The following RAB26 variants were observed in gnomAD, a reference collection of about 807,000 sequenced individuals.
The protein encoded by RAB26 is ras-related protein Rab-26.
RAB26 carries 39 observed loss-of-function variants against 33.1 expected under a neutral mutation model. The observed-to-expected ratio is 1.18, with a 90% CI of 0.91 to 1.54. The LOEUF (loss-of-function observed/expected upper bound fraction) is 1.54, where lower values mean the gene tolerates loss of function less well. Ranked by LOEUF, RAB26 falls within the 40% of genes most tolerant of loss-of-function variation. RAB26 has a pLI of 0.00. For synonymous variants in RAB26, 192 were observed against 151.9 expected (o/e 1.26, Z -1.94); for missense variants, 468 against 362.9 (o/e 1.29, Z -2.35).
intron 2 of RAB26, among the ~76,000 whole-genome samples, chr16:2,150,331 C>T (rs952098578): frequency 9.2e-5 from 14 of 152,208 alleles, no homozygotes; most frequent in Non-Finnish European, 1.6e-4. Flanking sequence ...GGGCCACGTC[C>T]ACTTGGGGCC....
rs1596655738 is a variant in RAB26 at position 2,148,977 on chromosome 16, A to G, written c.194A>G (p.Lys65Arg). 1 of 1,273,800 alleles carries G rather than the reference A, an allele frequency of 7.9e-7. No individual in the cohort carries two copies. Among genetic ancestry groups the G allele is most frequent in the African/African-American group, 1.5e-5 (1 of 64,924 alleles). 78.9% of individuals were successfully genotyped at this position (1,273,800 alleles called of 1,614,324 possible). The part of the protein sequence containing the change: ...GGVDFYDVAF[K>R]VMLVGDSGVG... ...GTCGACTTCTACGACGTCGCCTTCAAGGTGAGCCAGGCACCCGCCCCCCAG... is the reference window on the plus strand; with the variant it reads ...GTCGACTTCTACGACGTCGCCTTCAGGGTGAGCCAGGCACCCGCCCCCCAG... The change falls in exon 1 of 9, where the codon AAG becomes AGG. Residue 65 changes from lysine to arginine, a missense_variant and splice_region_variant. By Grantham distance (26) the Lys-to-Arg change is conservative. Transcript: ENST00000210187.
chr16:2,153,098 A>T (rs2093011544), intron 7 of RAB26, 48 bp from the exon 8 acceptor site: 1 of 1,613,294 alleles, frequency 6.2e-7, no homozygotes, highest in South Asian at 1.1e-5. Flanking sequence ...CTGCGAGCCT[A>T]GGCTGTCCCC....
At position 2,153,132 on chromosome 16, in the gene RAB26, G is replaced by T. The variant is rs758096763; in HGVS notation, c.592-14G>T. On this transcript the variant is annotated splice_polypyrimidine_tract_variant and intron_variant, in intron 7 of 8. Transcript: ENST00000210187. ...CCGCCAGGCCACCACCTGGCTGGCA[G>T]CAGCTGTTTACAGGAGTATGGACTG... 6.2e-7 allele frequency: 1 copy of T among 1,613,728 alleles called. No individual in the cohort carries two copies. The highest frequency in any genetic ancestry group is 1.1e-5 in the South Asian group (1 of 91,090).
intron 2 of RAB26, chr16:2,151,010 C>G (rs901980428): frequency 3.0e-6 from 1 of 329,826 alleles, no homozygotes; most frequent in African/African-American, 2.2e-5. Flanking sequence ...TGGGAGGGCC[C>G]GGCTGGGGAC....
chr16:2,148,654 C>CCGCCGT lies in RAB26; in HGVS notation c.-125_-124insTCGCCG. The CCGCCGT allele has an allele frequency of 2.7e-6, 2 of 737,396 alleles. No individual in the cohort carries two copies. Among genetic ancestry groups the CCGCCGT allele is most frequent in the Non-Finnish European group, 3.4e-6 (2 of 588,596 alleles). The allele number at this position is 737,396 out of a possible 1,614,324, so 45.7% of individuals were successfully genotyped here. ...GAGCCGGGCGCCCGGGATGATGCCG[C>CCGCCGT]CGCCGCCGCCGCCGCCGCCGCCGCC... On this transcript the variant is annotated 5_prime_UTR_variant, in exon 1 of 9. Coordinates refer to ENST00000210187, the MANE Select transcript of RAB26 (RefSeq NM_014353.5).
chr16:2,151,277 C>T, intron 2 of RAB26: 1 of 577,148 alleles, frequency 1.7e-6, no homozygotes, highest in South Asian at 1.7e-5. Context: ...TCGTTAGTTA[C>T]TGCACCCATT....
At chr16:2,149,084 G>A in intron 1 of RAB26, 106 bp downstream of exon 1, 1 of 1,151,486 alleles carries the variant, frequency 8.7e-7, no homozygotes, top group Non-Finnish European at 1.1e-6. Flanking sequence ...CCCAGGGCGC[G>A]GAGCCGACGC....
At chr16:2,148,257 C>T (rs1425389197), upstream of RAB26, 4 of 152,352 alleles carry the variant, frequency 2.6e-5, no homozygotes, top group Admixed American at 6.5e-5. Flanking sequence ...GAGACAGAAG[C>T]CCGCGGTGCC....
Position 2,153,048 on chromosome 16 carries a change from G to A in RAB26, c.591+3G>A, listed in dbSNP as rs767601696. On this transcript the variant is annotated splice_donor_region_variant and intron_variant, in intron 7 of 8. Coordinates refer to ENST00000210187, the MANE Select transcript of RAB26 (RefSeq NM_014353.5). Reference sequence around the variant, plus strand: ...AGGACGGGGAGAAGCTGGCCAAGGTGAGTCAGGGCAGGGGGGTGGTGAGGG... The same window carrying A: ...AGGACGGGGAGAAGCTGGCCAAGGTAAGTCAGGGCAGGGGGGTGGTGAGGG... 8 of 1,607,890 alleles carry A rather than the reference G, an allele frequency of 5.0e-6. No individual in the cohort carries two copies. The highest frequency in any genetic ancestry group is 1.7e-4 in the Middle Eastern group (1 of 6,042).
In RAB26 at chr16:2,152,858, C is replaced by G. The variant is rs746887223; in HGVS notation, c.507C>G (p.Asp169Glu). 6.2e-7 allele frequency: 1 copy of G among 1,608,004 alleles called. No individual in the cohort carries two copies. The highest frequency in any genetic ancestry group is 2.2e-5 in the East Asian group (1 of 44,782). The change falls in exon 6 of 9, where the codon GAC (aspartate) becomes GAG (glutamate). Residue 169 changes from aspartate to glutamate, a missense_variant. Physicochemically the swap from Asp to Glu is conservative, Grantham distance 45 (BLOSUM62 2). Transcript: ENST00000210187. ...LTEIHEYAQH[D>E]VALMLLGNKV... is the part of the protein sequence containing the mutation. ...AGATCCACGAGTACGCCCAGCACGA[C>G]GTGGCGCTCATGCTGCTGGGGAACA... is the stretch of plus-strand genomic sequence containing the variant.
In RAB26 at chr16:2,153,738, C is replaced by T; in HGVS notation, c.*317C>T. On this transcript the variant is annotated 3_prime_UTR_variant, in exon 9 of 9. Coordinates refer to ENST00000210187, the MANE Select transcript of RAB26 (RefSeq NM_014353.5). ...ACGTCCAGGTGAGGGAGGGCTGGGG[C>T]TGGCACCACGCACAGTGCCTAACCC... The T allele has an allele frequency of 1.8e-6, 1 of 559,198 alleles. No homozygotes were observed. The allele number at this position is 559,198 out of a possible 1,614,324, so 34.6% of individuals were successfully genotyped here. A position where few individuals can be genotyped will look rare whatever the true frequency, so the allele number is the denominator to read the frequency against.
rs769439445 is a variant in RAB26, at chr16:2,153,753, G to A, written c.*332G>A. 3.4e-5 allele frequency: 18 copies of A among 527,492 alleles called. No homozygotes were observed. The highest frequency in any genetic ancestry group is 2.6e-4 in the South Asian group (17 of 65,178). 32.7% of individuals were successfully genotyped at this position (527,492 alleles called of 1,614,324 possible). ...AGGGCTGGGGCTGGCACCACGCACA[G>A]TGCCTAACCCTAGAAAAGCCATGTC... is the stretch of plus-strand genomic sequence containing the variant. On this transcript the variant is annotated 3_prime_UTR_variant, in exon 9 of 9. Coordinates refer to ENST00000210187, the MANE Select transcript of RAB26 (RefSeq NM_014353.5).
chr16:2,152,693 C>CAAAAAAA (rs58347017), intron 5 of RAB26, 127 bp from the exon 6 acceptor site: 22 of 349,700 alleles, frequency 6.3e-5, no homozygotes, highest in South Asian at 1.3e-4. Flanking sequence ...ACTCTTGTCT[C>CAAAAAAA]AAAAAAAAAA....
Position 2,153,032 on chromosome 16 carries a change from A to AGAAGCTGGCCAAGGT in RAB26, c.581_591+4dup. ...CGTGTGGTGAAGAGGGAGGACGGGGAGAAGCTGGCCAAGGTGAGTCAGGGC... is the reference window on the plus strand; with the variant it reads ...CGTGTGGTGAAGAGGGAGGACGGGGAGAAGCTGGCCAAGGTGAAGCTGGCCAAGGTGAGTCAGGGC... On this transcript the variant is annotated inframe_insertion, in exon 7 of 9. Coordinates refer to ENST00000210187, the MANE Select transcript of RAB26 (RefSeq NM_014353.5). 1 of 1,603,714 alleles carries AGAAGCTGGCCAAGGT rather than the reference A, an allele frequency of 6.2e-7. No individual in the cohort carries two copies. Among genetic ancestry groups the AGAAGCTGGCCAAGGT allele is most frequent in the Non-Finnish European group, 8.5e-7 (1 of 1,172,806 alleles).
At position 2,153,311 on chromosome 16, in the gene RAB26, C is replaced by T. The variant is rs1282007115; in HGVS notation, c.669-8C>T. On this transcript the variant is annotated splice_region_variant and splice_polypyrimidine_tract_variant and intron_variant, in intron 8 of 8. Coordinates refer to ENST00000210187, the MANE Select transcript of RAB26 (RefSeq NM_014353.5). The stretch of plus-strand genomic sequence containing the variant: ...CCATCGTGTCCCCTTGTCACCCCCA[C>T]TCCGCAGGGAGTTGAAGCAGCGCTC... 17 of 1,613,436 alleles carry T rather than the reference C, an allele frequency of 1.1e-5. No individual in the cohort carries two copies. Among genetic ancestry groups the T allele is most frequent in the Non-Finnish European group, 1.4e-5 (17 of 1,179,970 alleles).
Position 2,149,931 on chromosome 16 carries a change from C to A in RAB26, c.196-10C>A. On this transcript the variant is annotated splice_polypyrimidine_tract_variant and intron_variant, in intron 1 of 8. Coordinates refer to ENST00000210187, the MANE Select transcript of RAB26 (RefSeq NM_014353.5). The stretch of plus-strand genomic sequence containing the variant: ...GACCAGACTCCCCCCAACCCTCCTG[C>A]TTGTCCTAGGTCATGCTGGTGGGGG... 1 of 1,516,672 alleles carries A rather than the reference C, an allele frequency of 6.6e-7. No individual in the cohort carries two copies. The highest frequency in any genetic ancestry group is 8.9e-7 in the Non-Finnish European group (1 of 1,129,860). The allele number at this position is 1,516,672 out of a possible 1,614,324, so 94.0% of individuals were successfully genotyped here. A position where few individuals can be genotyped will look rare whatever the true frequency, so the allele number is the denominator to read the frequency against.
In RAB26 at chr16:2,152,977, T is replaced by C; in HGVS notation, c.535-12T>C. ...TGGGCCAGCTTTCACCAAGACCCTG[T>C]GCCTGGGCCAGGTGGACTCTGCCCA... On this transcript the variant is annotated splice_polypyrimidine_tract_variant and intron_variant, in intron 6 of 8. Coordinates refer to ENST00000210187, the MANE Select transcript of RAB26 (RefSeq NM_014353.5). 1 of 1,584,166 alleles carries C rather than the reference T, an allele frequency of 6.3e-7. No homozygotes were observed. The highest frequency in any genetic ancestry group is 8.6e-7 in the Non-Finnish European group (1 of 1,161,318).
chr16:2,153,546 C>G lies in RAB26; in HGVS notation c.*125C>G. ...GCCCGAGTGTCTGTTTTCAGGAGCC[C>G]CAGGTCAAGCCTTGTCCCTTCCTCC... is the stretch of plus-strand genomic sequence containing the variant. On this transcript the variant is annotated 3_prime_UTR_variant, in exon 9 of 9. Transcript: ENST00000210187. 1.2e-6 allele frequency: 1 copy of G among 844,352 alleles called. No homozygotes were observed. Among genetic ancestry groups the G allele is most frequent in the Non-Finnish European group, 1.9e-6 (1 of 535,248 alleles). 52.3% of individuals were successfully genotyped at this position (844,352 alleles called of 1,614,324 possible).
chr16:2,152,801 G>A lies in RAB26; in HGVS notation c.469-19G>A, dbSNP rs1177261076. The A allele has an allele frequency of 3.1e-6, 5 of 1,601,150 alleles. No individual in the cohort carries two copies. The Admixed American group carries it at 6.9e-5, about 22-fold the overall frequency. On this transcript the variant is annotated intron_variant, in intron 5 of 8. Coordinates refer to ENST00000210187, the MANE Select transcript of RAB26 (RefSeq NM_014353.5). ...CAAGCCATGCAGGGAGCCCCAGCCT[G>A]GTCTGCTGCCTCCCACAGGCCTGGC...
Sources: allele counts gnomAD v4.1 joint callset (sites outside exome capture counted in the v4.1 genomes callset), GRCh38; gene constraint gnomAD v4.1.1; transcripts MANE v1.5; gene names NCBI Gene and HGNC (gene_info 2026-07-23, HGNC 2026-07-21).